The following KCTD16 variants were observed in gnomAD, a reference collection of about 807,000 sequenced individuals.
The protein encoded by KCTD16 is potassium channel tetramerization domain containing 16, also known as BTB/POZ domain-containing protein KCTD16.
Under a neutral mutation model 33.2 loss-of-function variants are expected in KCTD16, and 13 were observed. The observed-to-expected ratio is 0.39, with a 90% confidence interval of 0.25 to 0.62. The LOEUF is 0.62. KCTD16 is among the 20% of genes least tolerant of loss of function. The pLI, the probability that KCTD16 is intolerant of heterozygous loss-of-function variation, is 0.50. For missense variants in KCTD16, 441 were observed against 525.1 expected, an observed-to-expected ratio of 0.84 and a Z score of 1.57; for synonymous variants, 197 against 195.3, an observed-to-expected ratio of 1.01 and a Z score of -0.07.
chr5:144,460,482 C>T (rs1754170550), intron 3 of KCTD16, among the ~76,000 whole-genome samples: 2 of 152,158 alleles, frequency 1.3e-5, no homozygotes, highest in South Asian at 2.1e-4. Context: ...CACTCTGTCA[C>T]CCAAGCTGGA....
intron 3 of KCTD16, among the ~76,000 whole-genome samples, chr5:144,223,036 G>A (rs1204815187): frequency 2.6e-5 from 4 of 151,950 alleles, no homozygotes; most frequent in Non-Finnish European, 4.4e-5. Context: ...GCAAACTATC[G>A]CAAGGACAAA....
chr5:144,450,294 A>T (rs1362138727), intron 3 of KCTD16, among the ~76,000 whole-genome samples: 2 of 152,084 alleles, frequency 1.3e-5, no homozygotes, highest in African/African-American at 4.8e-5. Context: ...AGTACAAAAG[A>T]TAATAAGTAT....
chr5:144,245,912 T>C (rs1580816918), intron 3 of KCTD16, among the ~76,000 whole-genome samples: 1 of 152,228 alleles, frequency 6.6e-6, no homozygotes, highest in Admixed American at 6.5e-5. Flanking sequence ...TTTTTCTTTA[T>C]AAATTACCCA....
intron 3 of KCTD16, among the ~76,000 whole-genome samples, chr5:144,367,980 GAAT>G: frequency 6.6e-6 from 1 of 151,536 alleles, no homozygotes; most frequent in South Asian, 2.1e-4. Flanking sequence ...TGTAGAATGG[GAAT>G]AATAATGCTA....
At chr5:144,238,365 G>A (rs1364010769) in intron 3 of KCTD16, among the ~76,000 whole-genome samples, 2 of 152,118 alleles carry the variant, frequency 1.3e-5, no homozygotes, top group Non-Finnish European at 2.9e-5. Flanking sequence ...TCTAGTCTGT[G>A]TTTTATTACC....
intron 3 of KCTD16, among the ~76,000 whole-genome samples, chr5:144,304,999 TTTC>T (rs1422284159): frequency 2.7e-5 from 4 of 149,728 alleles, no homozygotes; most frequent in African/African-American, 9.9e-5. Context: ...TTTTTTTTTT[TTTC>T]TGAGTTGGCT....
chr5:144,311,686 A>T (rs1751770087), intron 3 of KCTD16, among the ~76,000 whole-genome samples: 1 of 152,196 alleles, frequency 6.6e-6, no homozygotes, highest in African/African-American at 2.4e-5. Flanking sequence ...TAAACAGCAG[A>T]TTGTTTTCCA....
At chr5:144,344,426 A>G (rs902418352) in intron 3 of KCTD16, among the ~76,000 whole-genome samples, 4 of 146,760 alleles carry the variant, frequency 2.7e-5, no homozygotes, top group Non-Finnish European at 6.0e-5. Flanking sequence ...CAACCTACAA[A>G]ATGGGAGAAA....
intron 3 of KCTD16, among the ~76,000 whole-genome samples, chr5:144,309,970 G>A (rs1321752412): frequency 6.6e-6 from 1 of 151,192 alleles, no homozygotes; most frequent in Non-Finnish European, 1.5e-5. Context: ...AATCTTTTTT[G>A]GTCTTTTATA....
At chr5:144,409,004 T>C (rs766326393) in intron 3 of KCTD16, among the ~76,000 whole-genome samples, 1 of 152,214 alleles carries the variant, frequency 6.6e-6, no homozygotes, top group Non-Finnish European at 1.5e-5. Context: ...CTATTGTCTA[T>C]CTTCCCTCAT....
intron 2 of KCTD16, among the ~76,000 whole-genome samples, chr5:144,176,363 A>G (rs1247882478): frequency 6.6e-6 from 1 of 151,784 alleles, no homozygotes; most frequent in Non-Finnish European, 1.5e-5. Flanking sequence ...AATAGCCATA[A>G]CAATTTTTAA....
chr5:144,280,911 C>A (rs1313065420), intron 3 of KCTD16, among the ~76,000 whole-genome samples: 1 of 130,710 alleles, frequency 7.7e-6, no homozygotes, highest in Non-Finnish European at 1.6e-5. Flanking sequence ...AAAAATTAGC[C>A]GGGCGTGGTG....
intron 3 of KCTD16, among the ~76,000 whole-genome samples, chr5:144,392,979 A>C (rs775084666): frequency 1.2e-4 from 18 of 152,170 alleles, no homozygotes; most frequent in Non-Finnish European, 2.5e-4. Context: ...GCAGAGCATA[A>C]AATTATATTA....
chr5:144,430,096 T>A (rs1304374969), intron 3 of KCTD16, among the ~76,000 whole-genome samples: 1 of 152,084 alleles, frequency 6.6e-6, no homozygotes, highest in East Asian at 1.9e-4. Flanking sequence ...CTATATGATA[T>A]CTTCAGGGGC....
At chr5:144,375,843 C>A (rs557442858) in intron 3 of KCTD16, among the ~76,000 whole-genome samples, 109 of 152,082 alleles carry the variant, frequency 7.2e-4, no homozygotes, top group African/African-American at 2.4e-3. Context: ...TTTTGTCTCG[C>A]TCTGTTGCCC....
rs565049151 is a variant in KCTD16, at chr5:144,471,336, G to T, written c.833-2324G>T. ...CAGCAATTGCTTCTCTACTTGTTCA[G>T]CAGGGTTTATGGCCAAAATATTTTG... On this transcript the variant is annotated intron_variant, in intron 3 of 3. Transcript: ENST00000512467. Among the ~76,000 whole-genome samples the T allele has an allele frequency of 3.3e-5, 5 of 152,334 alleles. No individual in the cohort carries two copies. In the South Asian group the frequency reaches 1.0e-3, roughly 32 times the overall value.
At chr5:144,186,366 A>AG in intron 2 of KCTD16, among the ~76,000 whole-genome samples, 1 of 149,930 alleles carries the variant, frequency 6.7e-6, no homozygotes, top group African/African-American at 2.4e-5. Flanking sequence ...AAAAAAAAGA[A>AG]AAAAAAAAAA....
chr5:144,175,474 A>G (rs1000319575), intron 2 of KCTD16, among the ~76,000 whole-genome samples: 7 of 152,256 alleles, frequency 4.6e-5, no homozygotes, highest in African/African-American at 1.7e-4. Context: ...TGATAATTGC[A>G]TCTGTGTCTC....
At chr5:144,228,472 C>T (rs1180263901) in intron 3 of KCTD16, among the ~76,000 whole-genome samples, 1 of 152,132 alleles carries the variant, frequency 6.6e-6, no homozygotes, top group Admixed American at 6.6e-5. Flanking sequence ...GCAAAAGCCT[C>T]ATTGGAATGT....
Sources: gnomAD v4.1 joint callset for allele counts (sites outside exome capture counted in the v4.1 genomes callset) on GRCh38, gnomAD v4.1.1 for gene constraint, MANE v1.5 for transcripts, NCBI Gene and HGNC (gene_info 2026-07-23, HGNC 2026-07-21) for gene names.